The following C1orf35 variants were observed in gnomAD, a reference collection of about 807,000 sequenced individuals.
C1orf35 encodes the protein chromosome 1 open reading frame 35, also known as multiple myeloma tumor-associated protein 2.
In C1orf35, 36 loss-of-function variants were observed where a neutral mutation model predicts 30.9. The ratio of observed to expected loss-of-function variants is 1.16; its 90% CI spans 0.89 to 1.54. C1orf35 has a LOEUF of 1.54. Ranked by LOEUF, C1orf35 falls within the 40% of genes most tolerant of loss-of-function variation. The probability of loss-of-function intolerance (pLI) is 0.00; values close to 1 mark genes in which losing one functional copy is unlikely to be tolerated. For missense variants in C1orf35, 396 were observed against 358.7 expected (o/e 1.10, Z -0.84); for synonymous variants, 179 against 148.2 (o/e 1.21, Z -1.51).
chr1:228,103,321 AC>A lies in C1orf35; in HGVS notation c.-95del. 2 of 1,417,474 alleles carry A rather than the reference AC, an allele frequency of 1.4e-6. No individual in the cohort carries two copies. The highest frequency in any genetic ancestry group is 1.9e-6 in the Non-Finnish European group (2 of 1,059,804). The allele number at this position is 1,417,474 out of a possible 1,614,324, so 87.8% of individuals were successfully genotyped here. A position where few individuals can be genotyped will look rare whatever the true frequency, so the allele number is the denominator to read the frequency against. ...CCCACTACCGTCGGACCCAGGCCCG[AC>A]CCCGCCTCCGCGTCGCGCGCCGTGA... On this transcript the variant is annotated 5_prime_UTR_variant, in exon 1 of 8. Coordinates refer to ENST00000272139, the MANE Select transcript of C1orf35 (RefSeq NM_024319.4).
chr1:228,101,784 G>C (rs2032972041), intron 6 of C1orf35: 2 of 1,409,090 alleles, frequency 1.4e-6, no homozygotes, highest in South Asian at 1.6e-5. Flanking sequence ...CACCATCCAG[G>C]AGAAGCCCTG....
chr1:228,100,937 C>G lies in C1orf35; in HGVS notation c.*194G>C. 1.2e-6 allele frequency: 1 copy of G among 807,822 alleles called. No homozygotes were observed. The highest frequency in any genetic ancestry group is 1.9e-6 in the Non-Finnish European group (1 of 525,014). The allele number at this position is 807,822 out of a possible 1,614,324, so 50.0% of individuals were successfully genotyped here. A position where few individuals can be genotyped will look rare whatever the true frequency, so the allele number is the denominator to read the frequency against. On this transcript the variant is annotated 3_prime_UTR_variant, in exon 8 of 8. Transcript: ENST00000272139. ...AGGGGCCATCCCTGGTATGCGAAAC[C>G]TGGAGGTTTTCCAGGAAGCCGGCTG...
At position 228,102,977 on chromosome 1, in the gene C1orf35, G is replaced by A; in HGVS notation, c.167C>T (p.Ala56Val). 6.5e-7 allele frequency: 1 copy of A among 1,533,128 alleles called. No individual in the cohort carries two copies. Among genetic ancestry groups the A allele is most frequent in the South Asian group, 1.2e-5 (1 of 83,318 alleles). 95.0% of individuals were successfully genotyped at this position (1,533,128 alleles called of 1,614,324 possible). A position where few individuals can be genotyped will look rare whatever the true frequency, so the allele number is the denominator to read the frequency against. Residue 56 changes from alanine to valine, a missense_variant, in exon 2 of 8, where the codon GCG becomes GTG. Physicochemically the swap from Ala to Val is moderately conservative, Grantham distance 64 (BLOSUM62 0). Transcript: ENST00000272139. ...CTCGCGGCTCGGGCCCGCGCATGGC[G>A]CCCGGCCCTTGGCGTACCAGGTGAG... Reference protein sequence around the residue: ...RDLTWYAKGRAPCAGPSREEE... With the variant: ...RDLTWYAKGRVPCAGPSREEE...
rs762730224 is a variant in C1orf35, at chr1:228,102,723, G to C, written c.246-35C>G. On this transcript the variant is annotated intron_variant, in intron 2 of 7. Coordinates refer to ENST00000272139, the MANE Select transcript of C1orf35 (RefSeq NM_024319.4). ...GGCCGGGGCAGGCGTCAGGACGGAC[G>C]GACCTCCTCCCACCACAGGTCCTCA... is the stretch of plus-strand genomic sequence containing the variant. The C allele has an allele frequency of 1.9e-6, 3 of 1,591,710 alleles. No homozygotes were observed. The African/African-American group carries it at 4.0e-5, about 21-fold the overall frequency.
Position 228,102,642 on chromosome 1 carries a change from C to T in C1orf35, c.291+1G>A. The T allele has an allele frequency of 6.2e-7, 1 of 1,604,644 alleles. No homozygotes were observed. The highest frequency in any genetic ancestry group is 8.5e-7 in the Non-Finnish European group (1 of 1,177,176). Reference sequence around the variant, plus strand: ...ACGCGCCCCCCACCCCGGGGAGTTACCTCCTTGCTCAGGCCCGTGGGCTGC... The same window carrying T: ...ACGCGCCCCCCACCCCGGGGAGTTATCTCCTTGCTCAGGCCCGTGGGCTGC... On this transcript the variant is annotated splice_donor_variant, in intron 3 of 7. Coordinates refer to ENST00000272139, the MANE Select transcript of C1orf35 (RefSeq NM_024319.4). LOFTEE classifies it high-confidence loss of function.
Position 228,101,179 on chromosome 1 carries a change from G to T in C1orf35, c.744C>A (p.Asp248Glu). The T allele has an allele frequency of 6.2e-7, 1 of 1,614,126 alleles. No homozygotes were observed. Among genetic ancestry groups the T allele is most frequent in the East Asian group, 2.2e-5 (1 of 44,884 alleles). The change falls in exon 8 of 8, where the codon GAC (aspartate) becomes GAA (glutamate). Residue 248 changes from aspartate to glutamate, a missense_variant. Transcript: ENST00000272139. ...CKRRKRGHSG[D>E]RRSPSRRWHD... Reference sequence around the variant, plus strand: ...GCCACCTGCGAGACGGGCTCCTCCTGTCCCCACTGTGTCCCCGCTTCCTCC... The same window carrying T: ...GCCACCTGCGAGACGGGCTCCTCCTTTCCCCACTGTGTCCCCGCTTCCTCC...
intron 6 of C1orf35, 71 bp from the exon 7 acceptor site, chr1:228,101,544 C>T (rs975763062): frequency 6.3e-7 from 1 of 1,586,092 alleles, no homozygotes; most frequent in African/African-American, 1.4e-5. Flanking sequence ...CAAGCAGGCC[C>T]CATCCAGATG....
At position 228,100,992 on chromosome 1, in the gene C1orf35, C is replaced by T; in HGVS notation, c.*139G>A. On this transcript the variant is annotated 3_prime_UTR_variant, in exon 8 of 8. Transcript: ENST00000272139. ...AGAGCTAGCTGTCAAGTCTTTAGCC[C>T]CACAGGCTGGTGCCCAGAGCCACTT... 1.5e-6 allele frequency: 2 copies of T among 1,301,432 alleles called. No individual in the cohort carries two copies. The highest frequency in any genetic ancestry group is 2.3e-5 in the East Asian group (1 of 42,868). The allele number at this position is 1,301,432 out of a possible 1,614,324, so 80.6% of individuals were successfully genotyped here.
At chr1:228,101,316 G>A (rs765239427) in intron 7 of C1orf35, 23 bp downstream of exon 7, 6 of 1,614,168 alleles carry the variant, frequency 3.7e-6, no homozygotes, top group Non-Finnish European at 5.1e-6. Context: ...ACCCCCAAGA[G>A]GCAGATATGG....
intron 2 of C1orf35, 77 bp downstream of exon 2, chr1:228,102,822 C>CCCCCAA: frequency 7.2e-7 from 1 of 1,390,052 alleles, no homozygotes; most frequent in Non-Finnish European, 9.3e-7. Context: ...GCCCGACCCC[C>CCCCCAA]AGTCCCCGGC....
At position 228,101,182 on chromosome 1, in the gene C1orf35, C is replaced by T. The variant is rs2032934108; in HGVS notation, c.741G>A (p.Gly247=). The T allele has an allele frequency of 6.2e-7, 1 of 1,614,170 alleles. No individual in the cohort carries two copies. The highest frequency in any genetic ancestry group is 1.1e-5 in the South Asian group (1 of 91,086). ...CCKRRKRGHS[G]DRRSPSRRWH... Reference sequence around the variant, plus strand: ...ACCTGCGAGACGGGCTCCTCCTGTCCCCACTGTGTCCCCGCTTCCTCCTCT... The same window carrying T: ...ACCTGCGAGACGGGCTCCTCCTGTCTCCACTGTGTCCCCGCTTCCTCCTCT... The change falls in exon 8 of 8, where the codon GGG becomes GGA. Residue 247 remains glycine, a synonymous_variant. Coordinates refer to ENST00000272139, the MANE Select transcript of C1orf35 (RefSeq NM_024319.4).
At chr1:228,101,981 G>C in intron 6 of C1orf35, 99 bp downstream of exon 6, 1 of 1,429,168 alleles carries the variant, frequency 7.0e-7, no homozygotes, top group South Asian at 1.5e-5. Context: ...CCGGGCCGGT[G>C]CGCCAAGAGA....
chr1:228,101,808 C>T, intron 6 of C1orf35: 1 of 1,412,468 alleles, frequency 7.1e-7, no homozygotes, highest in South Asian at 1.6e-5. Flanking sequence ...GTGCCACCCA[C>T]GGCAGGAAAA....
At chr1:228,101,507 T>C (rs775086518) in intron 6 of C1orf35, 34 bp from the exon 7 acceptor site, 11 of 1,607,224 alleles carry the variant, frequency 6.8e-6, no homozygotes, top group Non-Finnish European at 9.3e-6. Flanking sequence ...CCTCAGACCC[T>C]AGTCTTGCAA....
Position 228,102,925 on chromosome 1 carries a change from C to T in C1orf35, c.219G>A (p.Ala73=). ...REEELAAVRE[A]EREALLAALG... ...GGGCGGCCAGCAGCGCCTCGCGCTC[C>T]GCCTCCCGCACGGCTGCCAGTTCCT... The change falls in exon 2 of 8, where the codon GCG becomes GCA. Residue 73 remains alanine (A), a synonymous_variant. Coordinates refer to ENST00000272139, the MANE Select transcript of C1orf35 (RefSeq NM_024319.4). The T allele has an allele frequency of 6.7e-7, 1 of 1,497,948 alleles. No homozygotes were observed. The highest frequency in any genetic ancestry group is 8.8e-7 in the Non-Finnish European group (1 of 1,129,968). The allele number at this position is 1,497,948 out of a possible 1,614,324, so 92.8% of individuals were successfully genotyped here.
chr1:228,102,627 C>G lies in C1orf35; in HGVS notation c.291+16G>C, dbSNP rs1183040412. On this transcript the variant is annotated intron_variant, in intron 3 of 7. Coordinates refer to ENST00000272139, the MANE Select transcript of C1orf35 (RefSeq NM_024319.4). ...CACCCACGGCCCTCCACGCGCCCCC[C>G]ACCCCGGGGAGTTACCTCCTTGCTC... 1 of 1,599,104 alleles carries G rather than the reference C, an allele frequency of 6.3e-7. No homozygotes were observed. Among genetic ancestry groups the G allele is most frequent in the Admixed American group, 1.7e-5 (1 of 58,778 alleles).
chr1:228,102,875 C>G, intron 2 of C1orf35, 24 bp downstream of exon 2: 4 of 1,390,580 alleles, frequency 2.9e-6, no homozygotes, highest in Non-Finnish European at 3.7e-6. Flanking sequence ...CAGGCACCGA[C>G]CGCTGCCGTC....
chr1:228,102,708 G>A lies in C1orf35; in HGVS notation c.246-20C>T, dbSNP rs368091206. 11 of 1,602,942 alleles carry A rather than the reference G, an allele frequency of 6.9e-6. No individual in the cohort carries two copies. The highest frequency in any genetic ancestry group is 9.4e-6 in the Non-Finnish European group (11 of 1,174,680). On this transcript the variant is annotated intron_variant, in intron 2 of 7. Transcript: ENST00000272139. ...TAGCCACTGCGAGAGGGCCGGGGCAGGCGTCAGGACGGACGGACCTCCTCC... is the reference window on the plus strand; with the variant it reads ...TAGCCACTGCGAGAGGGCCGGGGCAAGCGTCAGGACGGACGGACCTCCTCC...
intron 6 of C1orf35, 23 bp downstream of exon 6, chr1:228,102,053 CAGCT>C: frequency 6.6e-7 from 1 of 1,514,812 alleles, no homozygotes; most frequent in Non-Finnish European, 8.8e-7. Flanking sequence ...CCCCGGGGCA[CAGCT>C]AGCCCAGGTG....
Sources: allele counts gnomAD v4.1 joint callset, GRCh38; gene constraint gnomAD v4.1.1; transcripts MANE v1.5; gene names NCBI Gene and HGNC (gene_info 2026-07-23, HGNC 2026-07-21).